TRIM5: variants seen among roughly 807,000 people sequenced by gnomAD.
TRIM5 encodes tripartite motif-containing protein 5.
In TRIM5, 31 loss-of-function variants were observed where a neutral mutation model predicts 35.6. The observed-to-expected ratio is 0.87, with a 90% CI of 0.65 to 1.18. The LOEUF is 1.18. Among genes scored for constraint, TRIM5 ranks in the 50% most tolerant of loss-of-function variants. The pLI, the probability that TRIM5 is intolerant of heterozygous loss-of-function variation, is 0.00. For missense variants in TRIM5, 609 were observed against 591.6 expected (o/e 1.03, Z -0.31); for synonymous variants, 243 against 215.6 (o/e 1.13, Z -1.11).
the TRIM5 span, among the ~76,000 whole-genome samples, chr11:5,648,460 C>T: frequency 0.14 from 21,543 of 151,630 alleles, 2,075 homozygotes; most frequent in East Asian, 0.42. Flanking sequence ...GAGCCGAGAT[C>T]GCGCCACTGC....
At chr11:5,671,344 G>A (rs958079400) in intron 4 of TRIM5, among the ~76,000 whole-genome samples, 1 of 147,728 alleles carries the variant, frequency 6.8e-6, no homozygotes, top group Non-Finnish European at 1.5e-5. Flanking sequence ...ACAATAAATA[G>A]AAAATATCCC....
chr11:5,603,701 C>T, the TRIM5 span: 39 of 1,613,262 alleles, frequency 2.4e-5, no homozygotes, highest in African/African-American at 6.7e-5. Flanking sequence ...GGTCACCACA[C>T]GTTCCTCGTG....
At chr11:5,657,455 G>GTA in the TRIM5 span, among the ~76,000 whole-genome samples, 15 of 140,558 alleles carry the variant, frequency 1.1e-4, no homozygotes, top group East Asian at 1.0e-3. Flanking sequence ...AACTTAAAGT[G>GTA]TATATATATA....
chr11:5,682,196 G>A (rs1387196089), intron 1 of TRIM5, among the ~76,000 whole-genome samples: 1 of 152,162 alleles, frequency 6.6e-6, no homozygotes. Context: ...CTGAGGCTGG[G>A]AGTTCAAGAC....
chr11:5,603,467 G>C, the TRIM5 span: 2 of 1,614,148 alleles, frequency 1.2e-6, no homozygotes, highest in South Asian at 1.1e-5. Context: ...GGTCAAGAAG[G>C]GGAAAGAAGC....
chr11:5,646,947 A>G, the TRIM5 span, among the ~76,000 whole-genome samples: 1 of 152,180 alleles, frequency 6.6e-6, no homozygotes, highest in Admixed American at 6.5e-5. Flanking sequence ...AAAAAAAACA[A>G]ACAAAAAAAC....
the TRIM5 span, among the ~76,000 whole-genome samples, chr11:5,656,127 T>C: frequency 3.3e-5 from 5 of 152,254 alleles, no homozygotes; most frequent in Non-Finnish European, 7.4e-5. Flanking sequence ...CCAAAAGCCA[T>C]GGCAACAAAA....
the TRIM5 span, chr11:5,605,662 G>A: frequency 3.5e-6 from 5 of 1,422,580 alleles, no homozygotes; most frequent in Admixed American, 8.1e-5. Context: ...TCGTTGCAGG[G>A]ACAAGAGAAA....
chr11:5,665,165 A>G lies in TRIM5; in HGVS notation c.1126T>C (p.Cys376Arg), dbSNP rs1476537699. 2 of 1,614,112 alleles carry G rather than the reference A, an allele frequency of 1.2e-6. No homozygotes were observed. Among genetic ancestry groups the G allele is most frequent in the South Asian group, 1.1e-5 (1 of 91,078 alleles). ...SKKTAWILGV[C>R]AGFQPDAMCN... ...ATTGCATCAGGTTGGAAGCCAGCAC[A>G]TACCCCCAGGATCCAAGCAGTTTTC... Residue 376 changes from cysteine to arginine, a missense_variant, in exon 8 of 8, where the codon TGT (cysteine) becomes CGT (arginine). Transcript: ENST00000380034.
the TRIM5 span, chr11:5,596,187 T>A: frequency 2.0e-5 from 3 of 152,270 alleles, no homozygotes; most frequent in Admixed American, 2.0e-4. Flanking sequence ...TCCAGGTTAG[T>A]GAGCAAGTTT....
At chr11:5,632,393 T>G in the TRIM5 span, 2 of 1,614,080 alleles carry the variant, frequency 1.2e-6, no homozygotes, top group Non-Finnish European at 1.7e-6. Context: ...TGCCTGGAGC[T>G]GTTGACAGAA....
the TRIM5 span, among the ~76,000 whole-genome samples, chr11:5,591,405 T>G: frequency 6.6e-6 from 1 of 152,098 alleles, no homozygotes; most frequent in Non-Finnish European, 1.5e-5. Context: ...TCCTAGCACT[T>G]TGGGAGGCCG....
At chr11:5,667,331 C>T (rs58565921) in intron 5 of TRIM5, among the ~76,000 whole-genome samples, 1,531 of 150,580 alleles carry the variant, frequency 0.01, 34 homozygotes, top group African/African-American at 0.035. Context: ...CTCAGCCTCC[C>T]GAATAGCTGG....
the TRIM5 span, among the ~76,000 whole-genome samples, chr11:5,592,668 G>C: frequency 6.6e-6 from 1 of 152,112 alleles, no homozygotes; most frequent in Non-Finnish European, 1.5e-5. Context: ...TGTAATCCCA[G>C]CACTTTGGGA....
the TRIM5 span, chr11:5,604,778 A>G: frequency 2.7e-6 from 2 of 738,242 alleles, no homozygotes; most frequent in Non-Finnish European, 4.2e-6. Context: ...TATTCCTTCC[A>G]AACAGGGGGA....
chr11:5,613,391 A>AGAT, the TRIM5 span, among the ~76,000 whole-genome samples: 4 of 152,338 alleles, frequency 2.6e-5, no homozygotes, highest in African/African-American at 7.2e-5. Flanking sequence ...GTCTATGGTG[A>AGAT]GATAAAGTAG....
Position 5,664,421 on chromosome 11 carries a change from T to G in TRIM5, c.*388A>C. 1 of 1,009,902 alleles carries G rather than the reference T, an allele frequency of 9.9e-7. No homozygotes were observed. The highest frequency in any genetic ancestry group is 5.1e-4 in the Middle Eastern group (1 of 1,966). 62.6% of individuals were successfully genotyped at this position (1,009,902 alleles called of 1,614,324 possible). A position where few individuals can be genotyped will look rare whatever the true frequency, so the allele number is the denominator to read the frequency against. Reference sequence around the variant, plus strand: ...AAACTGACACAGGGCTAAGGACTCATTCATTGGTGAACAATTATCACACGA... The same window carrying G: ...AAACTGACACAGGGCTAAGGACTCAGTCATTGGTGAACAATTATCACACGA... On this transcript the variant is annotated 3_prime_UTR_variant, in exon 8 of 8. Coordinates refer to ENST00000380034, the MANE Select transcript of TRIM5 (RefSeq NM_033034.3).
downstream of TRIM5, among the ~76,000 whole-genome samples, chr11:5,659,752 C>T (rs535288922): frequency 9.3e-5 from 14 of 150,732 alleles, no homozygotes; most frequent in Non-Finnish European, 1.9e-4. Context: ...TTCTCTGAAG[C>T]CTTTTTTTTT....
chr11:5,682,077 G>T (rs547156887), intron 1 of TRIM5, among the ~76,000 whole-genome samples: 1 of 152,012 alleles, frequency 6.6e-6, no homozygotes, highest in Non-Finnish European at 1.5e-5. Flanking sequence ...GATTACAGGC[G>T]TGAGCCACCG....
Sources: gnomAD v4.1 joint callset for allele counts (sites outside exome capture counted in the v4.1 genomes callset) on GRCh38, gnomAD v4.1.1 for gene constraint, MANE v1.5 for transcripts, NCBI Gene and HGNC (gene_info 2026-07-23, HGNC 2026-07-21) for gene names.